Variants in ZNF536 observed in about 807,000 individuals in gnomAD.
ZNF536 encodes the protein zinc finger protein 536.
In ZNF536, 13 loss-of-function variants were observed where a neutral mutation model predicts 84.5. The ratio of observed to expected loss-of-function variants is 0.15; its 90% CI spans 0.10 to 0.24. ZNF536 has a LOEUF of 0.24. Among genes scored for constraint, ZNF536 ranks in the 10% least tolerant of loss-of-function variants. The pLI, the probability that ZNF536 is intolerant of heterozygous loss-of-function variation, is 1.00. For missense variants in ZNF536, 1,536 were observed against 1,747.5 expected (o/e 0.88, Z 2.16); for synonymous variants, 811 against 742.5 (o/e 1.09, Z -1.50).
At chr19:30,666,048 C>T (rs2050305690) in intron 1 of ZNF536, among the ~76,000 whole-genome samples, 1 of 152,230 alleles carries the variant, frequency 6.6e-6, no homozygotes, top group African/African-American at 2.4e-5. Context: ...ACCCTCGATA[C>T]ATCTCACCTA....
chr19:30,307,215 C>T lies in ZNF536; in HGVS notation c.-120+23074C>T, dbSNP rs149786621. On this transcript the variant is annotated intron_variant, in intron 2 of 5. Coordinates refer to the ZNF536 transcript ENST00000585628. Reference sequence around the variant, plus strand: ...ACATATATTTATAACTTTGAAAAAACACTTGATGTTAAAATAACTTAAATA... The same window carrying T: ...ACATATATTTATAACTTTGAAAAAATACTTGATGTTAAAATAACTTAAATA... Among the ~76,000 whole-genome samples, 1,271 of 152,008 alleles carry T rather than the reference C, an allele frequency of 8.4e-3. 12 individuals carry two copies. The highest frequency in any genetic ancestry group is 0.03 in the South Asian group (145 of 4,804).
intron 1 of ZNF536, among the ~76,000 whole-genome samples, chr19:30,694,846 C>A (rs2051585945): frequency 6.6e-6 from 1 of 152,012 alleles, no homozygotes; most frequent in South Asian, 2.1e-4. Context: ...TCAGGGTGGG[C>A]CGTGCCATCC....
At chr19:30,703,268 G>C (rs531247060) in intron 1 of ZNF536, among the ~76,000 whole-genome samples, 13 of 152,198 alleles carry the variant, frequency 8.5e-5, no homozygotes, top group African/African-American at 2.9e-4. Flanking sequence ...AACTATGCAG[G>C]CTTTAAGGGA....
At chr19:30,392,215 G>A (rs181230294) in intron 1 of ZNF536, among the ~76,000 whole-genome samples, 112 of 152,176 alleles carry the variant, frequency 7.4e-4, no homozygotes, top group Middle Eastern at 3.4e-3. Context: ...GAGGCCCAGC[G>A]CTCTCATGGG....
chr19:30,482,487 C>T (rs2054129706), intron 2 of ZNF536, among the ~76,000 whole-genome samples: 1 of 152,152 alleles, frequency 6.6e-6, no homozygotes, highest in Non-Finnish European at 1.5e-5. Context: ...CCTAGCCTCA[C>T]ACACCTAGGA....
intron 1 of ZNF536, among the ~76,000 whole-genome samples, chr19:30,373,363 T>C (rs889429084): frequency 4.6e-5 from 7 of 152,236 alleles, no homozygotes; most frequent in Admixed American, 2.6e-4. Flanking sequence ...GAGATTTTAG[T>C]TCTGTTGTTC....
At chr19:30,699,941 G>A (rs2051828619) in intron 1 of ZNF536, among the ~76,000 whole-genome samples, 1 of 152,076 alleles carries the variant, frequency 6.6e-6, no homozygotes, top group Non-Finnish European at 1.5e-5. Context: ...GCCCACTCTG[G>A]GGAGCTGAAT....
At chr19:30,568,877 G>A (rs1454587868) in intron 1 of ZNF536, among the ~76,000 whole-genome samples, 1 of 152,218 alleles carries the variant, frequency 6.6e-6, no homozygotes, top group African/African-American at 2.4e-5. Context: ...CAGGACCATG[G>A]TCTTCACCAG....
In ZNF536 at chr19:30,583,106, G is replaced by A. The variant is rs1157588676; in HGVS notation, c.169+33592G>A. Among the ~76,000 whole-genome samples the A allele has an allele frequency of 2.0e-5, 3 of 152,158 alleles. No individual in the cohort carries two copies. In the East Asian group the frequency reaches 5.8e-4, roughly 29 times the overall value. Reference sequence around the variant, plus strand: ...GACTTTAAGTAAGCCCCAGACCTCTGTAGGCCTAAGGTTCCTCATCTGTGC... The same window carrying A: ...GACTTTAAGTAAGCCCCAGACCTCTATAGGCCTAAGGTTCCTCATCTGTGC... On this transcript the variant is annotated intron_variant, in intron 1 of 1. Transcript: ENST00000592773.
intron 1 of ZNF536, among the ~76,000 whole-genome samples, chr19:30,391,724 G>A (rs2147344760): frequency 6.6e-6 from 1 of 152,152 alleles, no homozygotes; most frequent in Middle Eastern, 3.4e-3. Flanking sequence ...AAAGGTAAAG[G>A]CACACACAGA....
At chr19:30,337,964 G>GTGA (rs2047434138) in intron 2 of ZNF536, among the ~76,000 whole-genome samples, 2 of 151,822 alleles carry the variant, frequency 1.3e-5, no homozygotes, top group Admixed American at 1.3e-4. Flanking sequence ...GATCGTGATG[G>GTGA]TGATGATTGT....
At chr19:30,650,718 C>T (rs2049669041) in intron 1 of ZNF536, among the ~76,000 whole-genome samples, 1 of 152,176 alleles carries the variant, frequency 6.6e-6, no homozygotes. Context: ...AATCCTCCAT[C>T]CAAACAGATG....
chr19:30,564,899 C>A (rs967626923), intron 1 of ZNF536, among the ~76,000 whole-genome samples: 2 of 152,080 alleles, frequency 1.3e-5, no homozygotes, highest in African/African-American at 4.8e-5. Flanking sequence ...CTGGGCTCGG[C>A]GGGGCCACAG....
At chr19:30,468,916 C>G (rs1396881414) in intron 2 of ZNF536, among the ~76,000 whole-genome samples, 1 of 151,976 alleles carries the variant, frequency 6.6e-6, no homozygotes, top group Non-Finnish European at 1.5e-5. Flanking sequence ...TGAGAATGTC[C>G]AGAGGCGATG....
intron 1 of ZNF536, among the ~76,000 whole-genome samples, chr19:30,595,202 T>G (rs908933592): frequency 1.3e-5 from 2 of 152,200 alleles, no homozygotes; most frequent in Non-Finnish European, 2.9e-5. Flanking sequence ...CGTTTCCCCA[T>G]GTGGAGCTCA....
chr19:30,348,405 C>T (rs999181885), intron 2 of ZNF536, among the ~76,000 whole-genome samples: 3 of 152,170 alleles, frequency 2.0e-5, no homozygotes, highest in African/African-American at 7.2e-5. Flanking sequence ...GCAGGCTAAA[C>T]TCATCCACCG....
In ZNF536 at chr19:30,664,204, TTCTCTC is replaced by T. The variant is rs71173915; in HGVS notation, c.170-46500_170-46495del. The stretch of plus-strand genomic sequence containing the variant: ...TATCTAGAGGAATTCTTGCTGAGTT[TTCTCTC>T]TCTCTCTCTCTCTCTCTCTCTCTCT... On this transcript the variant is annotated intron_variant, in intron 1 of 1. Coordinates refer to the ZNF536 transcript ENST00000592773. Among the ~76,000 whole-genome samples the T allele has an allele frequency of 7.8e-3, 703 of 90,642 alleles. 2 individuals carry two copies. Among genetic ancestry groups the T allele is most frequent in the Middle Eastern group, 0.019 (3 of 156 alleles). 59.5% of individuals were successfully genotyped at this position (90,642 alleles called of 152,430 possible). A position where few individuals can be genotyped will look rare whatever the true frequency, so the allele number is the denominator to read the frequency against.
intron 2 of ZNF536, among the ~76,000 whole-genome samples, chr19:30,338,137 G>A (rs1006433778): frequency 6.7e-6 from 1 of 149,584 alleles, no homozygotes; most frequent in Non-Finnish European, 1.5e-5. Context: ...TGGTGATGAT[G>A]GTGATGATTG....
intron 4 of ZNF536, among the ~76,000 whole-genome samples, chr19:30,550,857 C>CA (rs1273093880): frequency 6.6e-6 from 1 of 151,986 alleles, no homozygotes; most frequent in Non-Finnish European, 1.5e-5. Flanking sequence ...TCTGACAGCT[C>CA]AAAAAAATAT....
Sources: allele counts gnomAD v4.1 joint callset (sites outside exome capture counted in the v4.1 genomes callset), GRCh38; gene constraint gnomAD v4.1.1; transcripts MANE v1.5; gene names NCBI Gene and HGNC (gene_info 2026-07-23, HGNC 2026-07-21).